The following ABCC11 variants were observed in gnomAD, a reference collection of about 807,000 sequenced individuals.
The protein encoded by ABCC11 is ATP-binding cassette sub-family C member 11.
Under a neutral mutation model 149.3 loss-of-function variants are expected in ABCC11, and 135 were observed. The observed-to-expected ratio is 0.90, with a 90% CI of 0.79 to 1.04. The LOEUF (loss-of-function observed/expected upper bound fraction) is 1.04, where lower values mean the gene tolerates loss of function less well. Ranked by LOEUF, ABCC11 falls within the 50% of genes least tolerant of loss-of-function variation. The pLI, the probability that ABCC11 is intolerant of heterozygous loss-of-function variation, is 0.00. For missense variants in ABCC11, 1,680 were observed against 1,722.1 expected (o/e 0.98, Z 0.43); for synonymous variants, 665 against 671.4 (o/e 0.99, Z 0.15).
At chr16:48,195,408 C>A (rs1026672753) in intron 18 of ABCC11, among the ~76,000 whole-genome samples, 1 of 152,108 alleles carries the variant, frequency 6.6e-6, no homozygotes, top group Non-Finnish European at 1.5e-5. Flanking sequence ...CCATGGTGGA[C>A]GGGGTGGGGA....
chr16:48,205,379 C>T (rs762253144), intron 13 of ABCC11, 34 bp downstream of exon 13: 4 of 1,613,748 alleles, frequency 2.5e-6, no homozygotes, highest in African/African-American at 1.3e-5. Context: ...AGCCACATGC[C>T]CTGTACTCTC....
intron 1 of ABCC11, among the ~76,000 whole-genome samples, chr16:48,244,875 A>G (rs1971265262): frequency 6.6e-6 from 1 of 152,084 alleles, no homozygotes; most frequent in Admixed American, 6.5e-5. Context: ...TGGATAATTT[A>G]ATTTGAATCC....
chr16:48,213,140 T>C (rs892828913), intron 10 of ABCC11, among the ~76,000 whole-genome samples: 2 of 152,222 alleles, frequency 1.3e-5, no homozygotes, highest in Non-Finnish European at 2.9e-5. Flanking sequence ...CTATGGTGTT[T>C]TTCTAAAACA....
At chr16:48,242,619 C>T (rs1423707750) in intron 1 of ABCC11, among the ~76,000 whole-genome samples, 4 of 152,116 alleles carry the variant, frequency 2.6e-5, no homozygotes, top group South Asian at 2.1e-4. Context: ...CGGCACTATT[C>T]GCAATAGCAA....
At chr16:48,177,175 G>C in intron 24 of ABCC11, 62 bp from the exon 25 acceptor site, 1 of 1,521,970 alleles carries the variant, frequency 6.6e-7, no homozygotes, top group South Asian at 1.3e-5. Flanking sequence ...CATCCCCTGC[G>C]GGCCTGCCAG....
intron 1 of ABCC11, among the ~76,000 whole-genome samples, chr16:48,232,732 C>A (rs1177282294): frequency 1.3e-5 from 2 of 152,192 alleles, no homozygotes; most frequent in Non-Finnish European, 1.5e-5. Flanking sequence ...CCTGTGCCCC[C>A]CAGGGCCCCA....
At chr16:48,169,112 C>A (rs1306601997) in intron 28 of ABCC11, among the ~76,000 whole-genome samples, 2 of 152,088 alleles carry the variant, frequency 1.3e-5, no homozygotes, top group Non-Finnish European at 2.9e-5. Flanking sequence ...TCATCCAATT[C>A]CCAGTTCTAA....
intron 24 of ABCC11, 35 bp downstream of exon 24, chr16:48,178,562 T>C (rs1966231547): frequency 6.2e-7 from 1 of 1,605,524 alleles, no homozygotes; most frequent in Non-Finnish European, 8.5e-7. Context: ...CCAACTTGCA[T>C]GGCTCCCCAC....
chr16:48,194,511 T>C (rs1323790661), intron 18 of ABCC11, among the ~76,000 whole-genome samples: 1 of 152,264 alleles, frequency 6.6e-6, no homozygotes, highest in African/African-American at 2.4e-5. Context: ...ATAGTGCTAC[T>C]GTGTGAATGT....
intron 17 of ABCC11, among the ~76,000 whole-genome samples, chr16:48,196,839 C>T (rs776115337): frequency 6.6e-6 from 1 of 152,188 alleles, no homozygotes; most frequent in Non-Finnish European, 1.5e-5. Flanking sequence ...TGGAGATGCC[C>T]ATAGATGTTT....
At chr16:48,242,529 A>C (rs948230584) in intron 1 of ABCC11, among the ~76,000 whole-genome samples, 1 of 152,232 alleles carries the variant, frequency 6.6e-6, no homozygotes, top group African/African-American at 2.4e-5. Context: ...CATTTGACCC[A>C]GCCATCCCAT....
At chr16:48,176,662 T>C (rs916128444) in intron 25 of ABCC11, among the ~76,000 whole-genome samples, 8 of 152,174 alleles carry the variant, frequency 5.3e-5, no homozygotes, top group Non-Finnish European at 1.2e-4. Context: ...TACCACCCTG[T>C]GGCAGCCACC....
At chr16:48,173,372 C>G (rs1965837461) in intron 26 of ABCC11, among the ~76,000 whole-genome samples, 1 of 152,184 alleles carries the variant, frequency 6.6e-6, no homozygotes, top group African/African-American at 2.4e-5. Context: ...CCCTTCCTCT[C>G]TAAGTTCCGT....
At chr16:48,222,486 T>C in intron 6 of ABCC11, 112 bp downstream of exon 6, 1 of 858,694 alleles carries the variant, frequency 1.2e-6, no homozygotes, top group Non-Finnish European at 1.8e-6. Context: ...TTTCTTTCTC[T>C]TTCTCCTTCC....
At chr16:48,226,043 C>G (rs189481913) in intron 4 of ABCC11, among the ~76,000 whole-genome samples, 1 of 146,180 alleles carries the variant, frequency 6.8e-6, no homozygotes, top group African/African-American at 2.6e-5. Flanking sequence ...AGCTGGTTAC[C>G]TATTAAGCAT....
chr16:48,181,572 C>A (rs1320600268), intron 23 of ABCC11, among the ~76,000 whole-genome samples: 1 of 152,004 alleles, frequency 6.6e-6, no homozygotes, highest in Non-Finnish European at 1.5e-5. Flanking sequence ...TAATAATGGG[C>A]AGAGCCTCTT....
At chr16:48,197,349 G>A (rs1281143926) in intron 17 of ABCC11, among the ~76,000 whole-genome samples, 2 of 152,148 alleles carry the variant, frequency 1.3e-5, no homozygotes, top group South Asian at 2.1e-4. Context: ...TTGGAGACAG[G>A]AGCCTACAAT....
In ABCC11 at chr16:48,215,241, A is replaced by C; in HGVS notation, c.1055T>G (p.Ile352Ser). Residue 352 changes from isoleucine to serine, a missense_variant, in exon 8 of 30, where the codon ATT (isoleucine) becomes AGT (serine). Transcript: ENST00000356608. ...TSEVLTCIKLIKMYTWEKPFA... is the reference protein window; with the variant it reads ...TSEVLTCIKLSKMYTWEKPFA... ...TGGTTTCTCCCATGTGTACATTTTA[A>C]TCAGCTTAATGCAAGTGAGAACTTC... 1 of 1,613,826 alleles carries C rather than the reference A, an allele frequency of 6.2e-7. No individual in the cohort carries two copies. Among genetic ancestry groups the C allele is most frequent in the Non-Finnish European group, 8.5e-7 (1 of 1,179,706 alleles).
chr16:48,185,152 G>C (rs2150760796), intron 22 of ABCC11, among the ~76,000 whole-genome samples: 1 of 152,214 alleles, frequency 6.6e-6, no homozygotes, highest in Non-Finnish European at 1.5e-5. Flanking sequence ...CTCACTTTAA[G>C]CAAGTCCTCC....
Sources: gnomAD v4.1 joint callset for allele counts (sites outside exome capture counted in the v4.1 genomes callset) on GRCh38, gnomAD v4.1.1 for gene constraint, MANE v1.5 for transcripts, NCBI Gene and HGNC (gene_info 2026-07-23, HGNC 2026-07-21) for gene names.